The following RCC1L variants were observed in gnomAD, a reference collection of about 807,000 sequenced individuals.
The protein encoded by RCC1L is RCC1-like G exchanging factor-like protein.
Under a neutral mutation model 58.6 loss-of-function variants are expected in RCC1L, and 46 were observed. The observed-to-expected ratio is 0.79, with a 90% confidence interval of 0.62 to 1.00. The LOEUF is 1.00. Ranked by LOEUF, RCC1L falls within the 50% of genes least tolerant of loss-of-function variation. RCC1L has a pLI of 0.00. For missense variants in RCC1L, 636 were observed against 623.6 expected (o/e 1.02, Z -0.21); for synonymous variants, 281 against 262.9 (o/e 1.07, Z -0.67).
At chr7:75,071,204 C>G (rs1181451964) in intron 1 of RCC1L, among the ~76,000 whole-genome samples, 1 of 152,130 alleles carries the variant, frequency 6.6e-6, no homozygotes, top group Admixed American at 6.6e-5. Context: ...TGAGCATTTA[C>G]TATATGTTTG....
At chr7:75,072,161 CATATATAT>C (rs1165938365) in intron 1 of RCC1L, among the ~76,000 whole-genome samples, 2,073 of 46,452 alleles carry the variant, frequency 0.045, 167 homozygotes, top group African/African-American at 0.11. Flanking sequence ...TATACATATA[CATATATAT>C]ATATATATAT....
intron 6 of RCC1L, 22 bp from the exon 7 acceptor site, chr7:75,058,791 A>T: frequency 4.3e-6 from 7 of 1,613,652 alleles, no homozygotes; most frequent in Non-Finnish European, 5.9e-6. Context: ...GAAAATACAG[A>T]TTTTTAATTA....
At chr7:75,050,058 G>A (rs1805857243) in intron 10 of RCC1L, among the ~76,000 whole-genome samples, 1 of 152,156 alleles carries the variant, frequency 6.6e-6, no homozygotes, top group Admixed American at 6.5e-5. Context: ...ATGGTTTGGC[G>A]CCAAATGCCG....
At chr7:75,068,101 C>T (rs1207736603) in intron 2 of RCC1L, among the ~76,000 whole-genome samples, 2 of 151,942 alleles carry the variant, frequency 1.3e-5, no homozygotes, top group Admixed American at 6.6e-5. Flanking sequence ...AGGTGGATCA[C>T]CTGAGGTCGG....
rs1266746765 is a variant in RCC1L, at chr7:75,056,015, C to T, written c.1117G>A (p.Glu373Lys). ...GILGKGPNLVESAVPEMIPPT... is the reference protein window; with the variant it reads ...GILGKGPNLVKSAVPEMIPPT... ...GGAATCATTTCAGGGACGGCACTTT[C>T]CACTAGGTTTGGACCTTTCCCAAGA... The change falls in exon 9 of 11, where the codon GAA becomes AAA. Residue 373 changes from glutamate to lysine, a missense_variant. Coordinates refer to ENST00000610322, the MANE Select transcript of RCC1L (RefSeq NM_030798.5). The T allele has an allele frequency of 1.2e-6, 2 of 1,613,962 alleles. No homozygotes were observed. Among genetic ancestry groups the T allele is most frequent in the Non-Finnish European group, 1.7e-6 (2 of 1,179,852 alleles).
chr7:75,035,330 C>G (rs1390026971), intron 10 of RCC1L, among the ~76,000 whole-genome samples: 1 of 152,208 alleles, frequency 6.6e-6, no homozygotes, highest in East Asian at 1.9e-4. Flanking sequence ...CGCGCCCGGC[C>G]TGGGTCCCTA....
At chr7:75,067,653 C>A (rs1320210913) in intron 2 of RCC1L, among the ~76,000 whole-genome samples, 1 of 151,662 alleles carries the variant, frequency 6.6e-6, no homozygotes, top group Non-Finnish European at 1.5e-5. Flanking sequence ...TACAAAAATA[C>A]AAAAATCAGC....
intron 1 of RCC1L, among the ~76,000 whole-genome samples, chr7:75,072,717 C>T (rs587657215): frequency 6.6e-6 from 1 of 152,278 alleles, no homozygotes; most frequent in Admixed American, 6.5e-5. Flanking sequence ...CAGTGGCTCA[C>T]GCCTGTAATC....
chr7:75,065,628 A>G (rs775481444), intron 3 of RCC1L, among the ~76,000 whole-genome samples: 4 of 152,184 alleles, frequency 2.6e-5, no homozygotes, highest in Non-Finnish European at 1.5e-5. Context: ...CCCCGTTTCT[A>G]AAAAGAGGCC....
chr7:75,031,369 AC>A (rs1159737984), intron 10 of RCC1L, among the ~76,000 whole-genome samples: 3 of 149,180 alleles, frequency 2.0e-5, no homozygotes, highest in East Asian at 2.0e-4. Context: ...TCTTATCCCT[AC>A]CCCCCCGGGG....
chr7:75,055,536 C>T (rs1230960171), intron 9 of RCC1L: 1 of 343,780 alleles, frequency 2.9e-6, no homozygotes, highest in African/African-American at 2.1e-5. Context: ...GATTAAGCCC[C>T]ACACATTCAC....
In RCC1L at chr7:75,072,186, A is replaced by T. The variant is rs782018208; in HGVS notation, c.324+1228T>A. 3.8e-5 allele frequency among the ~76,000 whole-genome samples: 4 copies of T among 104,390 alleles called. No homozygotes were observed. In the South Asian group the frequency reaches 1.2e-3, roughly 30 times the overall value. 68.5% of individuals were successfully genotyped at this position (104,390 alleles called of 152,430 possible). ...CATATATATATATATATATATATAT[A>T]TATATGGAGAGAGAGAGAGACAGAG... On this transcript the variant is annotated intron_variant, in intron 1 of 10. Transcript: ENST00000610322.
intron 2 of RCC1L, 97 bp from the exon 3 acceptor site, chr7:75,066,889 G>A (rs1254109713): frequency 6.1e-5 from 88 of 1,441,926 alleles, no homozygotes; most frequent in Non-Finnish European, 7.3e-5. Flanking sequence ...AAAGAGAGTC[G>A]GAGGTAGGAA....
intron 10 of RCC1L, among the ~76,000 whole-genome samples, chr7:75,047,044 G>A (rs1425632398): frequency 6.6e-6 from 1 of 151,586 alleles, no homozygotes; most frequent in South Asian, 2.1e-4. Context: ...TGCAACCTCC[G>A]CCTCCCAAGT....
intron 3 of RCC1L, among the ~76,000 whole-genome samples, chr7:75,065,892 C>T (rs895302084): frequency 6.6e-6 from 1 of 151,688 alleles, no homozygotes; most frequent in African/African-American, 2.4e-5. Flanking sequence ...GTGGCAGGCA[C>T]CTGTAATCCC....
intron 2 of RCC1L, 59 bp downstream of exon 2, chr7:75,070,581 A>G (rs587705892): frequency 1.9e-6 from 3 of 1,589,426 alleles, no homozygotes; most frequent in Admixed American, 1.8e-5. Context: ...AAAAAAATAC[A>G]AAAAAAGAGC....
intron 5 of RCC1L, 85 bp from the exon 6 acceptor site, chr7:75,061,376 C>T (rs972847643): frequency 1.3e-5 from 15 of 1,149,424 alleles, no homozygotes; most frequent in Non-Finnish European, 2.0e-5. Flanking sequence ...AGCACCATCG[C>T]CTGCCGCTCC....
At chr7:75,073,206 G>A (rs1348243733) in intron 1 of RCC1L, among the ~76,000 whole-genome samples, 8 of 152,158 alleles carry the variant, frequency 5.3e-5, no homozygotes, top group African/African-American at 1.9e-4. Context: ...GACACGACCC[G>A]GCACAACATC....
At chr7:75,055,772 A>T in intron 9 of RCC1L, 129 bp downstream of exon 9, 1 of 1,048,686 alleles carries the variant, frequency 9.5e-7, no homozygotes, top group Non-Finnish European at 1.5e-6. Flanking sequence ...CCCTTGCTTG[A>T]GTTATCAGTA....
Sources: allele counts gnomAD v4.1 joint callset (sites outside exome capture counted in the v4.1 genomes callset), GRCh38; gene constraint gnomAD v4.1.1; transcripts MANE v1.5; gene names NCBI Gene and HGNC (gene_info 2026-07-23, HGNC 2026-07-21).